Variants in TBC1D19 observed in about 807,000 individuals in gnomAD.
The protein encoded by TBC1D19 is TBC1 domain family, member 19.
TBC1D19 carries 60 observed loss-of-function variants against 89.0 expected under a neutral mutation model. The ratio of observed to expected loss-of-function variants is 0.67; its 90% CI spans 0.55 to 0.84. TBC1D19 has a LOEUF of 0.84. Among genes scored for constraint, TBC1D19 ranks in the 40% least tolerant of loss-of-function variants. The pLI is 0.00. For synonymous variants in TBC1D19, 189 were observed against 199.7 expected (o/e 0.95, Z 0.45); for missense variants, 500 against 610.8 (o/e 0.82, Z 1.91).
the TBC1D19 span, among the ~76,000 whole-genome samples, chr4:26,807,834 C>T: frequency 1.3e-5 from 2 of 152,334 alleles, no homozygotes; most frequent in South Asian, 4.1e-4. Context: ...GTTGATCTTA[C>T]TGAGGTACCT....
chr4:26,605,846 AT>A (rs1289278912), intron 1 of TBC1D19, among the ~76,000 whole-genome samples: 2 of 152,174 alleles, frequency 1.3e-5, no homozygotes, highest in Non-Finnish European at 2.9e-5. Context: ...GGCTGCATAA[AT>A]GTCTTCTTTT....
intron 16 of TBC1D19, among the ~76,000 whole-genome samples, chr4:26,736,670 G>C (rs1718069140): frequency 6.6e-6 from 1 of 152,098 alleles, no homozygotes; most frequent in Non-Finnish European, 1.5e-5. Flanking sequence ...AATTCCTAAG[G>C]TAATTCTCTT....
At chr4:26,856,778 G>T in the TBC1D19 span, among the ~76,000 whole-genome samples, 1 of 151,890 alleles carries the variant, frequency 6.6e-6, no homozygotes. Context: ...CAGTTATCAT[G>T]TGATCAATAA....
chr4:26,648,234 A>C (rs1330521797), intron 7 of TBC1D19, among the ~76,000 whole-genome samples: 4 of 152,174 alleles, frequency 2.6e-5, no homozygotes, highest in African/African-American at 9.7e-5. Flanking sequence ...GATACATGTG[A>C]GATATCTTGG....
chr4:26,671,027 T>C (rs1263906141), intron 9 of TBC1D19, among the ~76,000 whole-genome samples: 1 of 151,440 alleles, frequency 6.6e-6, no homozygotes, highest in Non-Finnish European at 1.5e-5. Context: ...TGTCTCTTGG[T>C]GCACATATGT....
Position 26,620,744 on chromosome 4 carries a change from G to A in TBC1D19, c.294+56G>A, listed in dbSNP as rs1741995926. Reference sequence around the variant, plus strand: ...TTCATGCCAAGTTATGTAATACAGAGCAAAAGATCATTACTGATGTCAGGA... The same window carrying A: ...TTCATGCCAAGTTATGTAATACAGAACAAAAGATCATTACTGATGTCAGGA... On this transcript the variant is annotated intron_variant, in intron 4 of 20. Transcript: ENST00000264866. 10 of 1,491,080 alleles carry A rather than the reference G, an allele frequency of 6.7e-6. No homozygotes were observed. The South Asian group carries it at 8.3e-5, about 12-fold the overall frequency. The allele number at this position is 1,491,080 out of a possible 1,614,324, so 92.4% of individuals were successfully genotyped here.
chr4:26,790,444 T>C, the TBC1D19 span, among the ~76,000 whole-genome samples: 1 of 152,220 alleles, frequency 6.6e-6, no homozygotes, highest in Admixed American at 6.5e-5. Context: ...TAGGTTGTTA[T>C]AAGAATTAAA....
At chr4:26,748,603 C>T (rs994840508) in intron 19 of TBC1D19, 77 bp downstream of exon 19, 11 of 1,036,108 alleles carry the variant, frequency 1.1e-5, no homozygotes, top group Middle Eastern at 2.1e-4. Context: ...ATTCACCATC[C>T]GTAACTGGAA....
chr4:26,604,411 C>T (rs145583741), intron 1 of TBC1D19, among the ~76,000 whole-genome samples: 8,473 of 151,012 alleles, frequency 0.056, 843 homozygotes, highest in African/African-American at 0.2. Flanking sequence ...CTCGGCCTCC[C>T]GAAGTGCTGG....
At position 26,754,881 on chromosome 4, in the gene TBC1D19, T is replaced by G; in HGVS notation, c.1515T>G (p.Leu505=). 1 of 1,601,114 alleles carries G rather than the reference T, an allele frequency of 6.2e-7. No homozygotes were observed. The highest frequency in any genetic ancestry group is 1.1e-5 in the South Asian group (1 of 89,154). The change falls in exon 21 of 21, where the codon CTT becomes CTG. Residue 505 remains leucine (L), a synonymous_variant. Transcript: ENST00000264866. ...TTTATTTTTTGTTTCAGGCAGTTCT[T>G]GCTGACCTTTCTACTTTAAAAGTTA... ...VTSLAAAEAV[L]ADLSTLKVMP... is the part of the protein sequence containing the mutation.
In TBC1D19 at chr4:26,610,895, G is replaced by A. The variant is rs190485716; in HGVS notation, c.100-2274G>A. ...CCATTTCTTTGCTATTGTGAATAGTGCTGCAATGAACATAGGCATGCGTAT... is the reference window on the plus strand; with the variant it reads ...CCATTTCTTTGCTATTGTGAATAGTACTGCAATGAACATAGGCATGCGTAT... On this transcript the variant is annotated intron_variant, in intron 1 of 20. Transcript: ENST00000264866. 2.6e-5 allele frequency among the ~76,000 whole-genome samples: 4 copies of A among 152,208 alleles called. No individual in the cohort carries two copies. In the East Asian group the frequency reaches 5.8e-4, roughly 22 times the overall value.
At chr4:26,582,753 T>G (rs969034354), upstream of TBC1D19, among the ~76,000 whole-genome samples, 4 of 152,244 alleles carry the variant, frequency 2.6e-5, no homozygotes, top group Non-Finnish European at 4.4e-5. Context: ...CTTTCCTGGC[T>G]GCCTCTTTCT....
chr4:26,761,831 A>G, the TBC1D19 span, among the ~76,000 whole-genome samples: 3 of 152,174 alleles, frequency 2.0e-5, no homozygotes, highest in Non-Finnish European at 2.9e-5. Flanking sequence ...ATTTAGCTAT[A>G]AAACAGTAGG....
chr4:26,694,568 G>C (rs7686313), intron 13 of TBC1D19, among the ~76,000 whole-genome samples: 7,898 of 152,236 alleles, frequency 0.052, 713 homozygotes, highest in African/African-American at 0.18. Flanking sequence ...CATGGAGTTT[G>C]AGATCTGAGA....
At chr4:26,852,621 C>T in the TBC1D19 span, among the ~76,000 whole-genome samples, 75 of 152,022 alleles carry the variant, frequency 4.9e-4, no homozygotes, top group East Asian at 3.9e-4. Context: ...AGTCCACCCC[C>T]GCCCCTTTTG....
chr4:26,590,509 A>T (rs897996046), intron 1 of TBC1D19, among the ~76,000 whole-genome samples: 2 of 152,086 alleles, frequency 1.3e-5, no homozygotes, highest in African/African-American at 4.8e-5. Context: ...TTGCCATAAG[A>T]GTGTTATGAG....
chr4:26,627,989 AG>A (rs1344433649), intron 4 of TBC1D19, among the ~76,000 whole-genome samples: 1 of 152,134 alleles, frequency 6.6e-6, no homozygotes, highest in Middle Eastern at 3.2e-3. Context: ...GGTAATGCCT[AG>A]GTTTTCTTCT....
the TBC1D19 span, among the ~76,000 whole-genome samples, chr4:26,804,876 AGAG>A: frequency 1.3e-5 from 2 of 152,374 alleles, no homozygotes. Context: ...ATTTACTCAA[AGAG>A]GAGATGGGCA....
downstream of TBC1D19, among the ~76,000 whole-genome samples, chr4:26,759,928 A>T (rs1434344828): frequency 1.3e-5 from 2 of 152,224 alleles, no homozygotes; most frequent in African/African-American, 2.4e-5. Flanking sequence ...ATTTGTGCAC[A>T]AGCCTTCATG....
Sources: allele counts gnomAD v4.1 joint callset (sites outside exome capture counted in the v4.1 genomes callset), GRCh38; gene constraint gnomAD v4.1.1; transcripts MANE v1.5; gene names NCBI Gene and HGNC (gene_info 2026-07-23, HGNC 2026-07-21).